Variants in KLHL3 observed in about 807,000 individuals in gnomAD.
KLHL3 encodes the protein kelch-like protein 3.
Under a neutral mutation model 70.5 loss-of-function variants are expected in KLHL3, and 19 were observed. The ratio of observed to expected loss-of-function variants is 0.27; its 90% CI spans 0.19 to 0.40. The LOEUF is 0.40. Ranked by LOEUF, KLHL3 falls within the 10% of genes least tolerant of loss-of-function variation. KLHL3 has a pLI of 1.00. For synonymous variants in KLHL3, 258 were observed against 290.3 expected (o/e 0.89, Z 1.13); for missense variants, 512 against 771.1 (o/e 0.66, Z 3.98).
chr5:137,638,857 G>T, intron 10 of KLHL3, 96 bp downstream of exon 10: 1 of 1,191,040 alleles, frequency 8.4e-7, no homozygotes, highest in Non-Finnish European at 1.2e-6. Context: ...AGCTACAAAT[G>T]GACAGAAAGT....
rs533424692 is a variant in KLHL3 at position 137,618,292 on chromosome 5, T to C, written c.*3806A>G. Reference sequence around the variant, plus strand: ...CCAACTTGATCCAGCTAGGTGCAAATGGGGAGCATGGAGGCAATTTAAATG... The same window carrying C: ...CCAACTTGATCCAGCTAGGTGCAAACGGGGAGCATGGAGGCAATTTAAATG... On this transcript the variant is annotated 3_prime_UTR_variant, in exon 15 of 15. Coordinates refer to ENST00000309755, the MANE Select transcript of KLHL3 (RefSeq NM_017415.3). The C allele has an allele frequency of 2.6e-5, 4 of 152,494 alleles. No individual in the cohort carries two copies. The highest frequency in any genetic ancestry group is 4.8e-5 in the African/African-American group (2 of 41,494). The allele number at this position is 152,494 out of a possible 1,614,324, so 9.4% of individuals were successfully genotyped here.
At chr5:137,715,523 C>A (rs747559066) in intron 2 of KLHL3, among the ~76,000 whole-genome samples, 4 of 152,126 alleles carry the variant, frequency 2.6e-5, no homozygotes, top group Non-Finnish European at 5.9e-5. Flanking sequence ...ATAAGTTAGC[C>A]ATTTAAATAC....
rs946152420 is a variant in KLHL3 at position 137,620,882 on chromosome 5, A to G, written c.*1216T>C. The G allele has an allele frequency of 6.6e-6, 1 of 152,270 alleles. No homozygotes were observed. The highest frequency in any genetic ancestry group is 2.4e-5 in the African/African-American group (1 of 41,460). The allele number at this position is 152,270 out of a possible 1,614,324, so 9.4% of individuals were successfully genotyped here. On this transcript the variant is annotated 3_prime_UTR_variant, in exon 15 of 15. Transcript: ENST00000309755. ...CACCCTGGAATAGGGGGAAAGCACAAGAAAAAGAAGACAAGGACATTAGAC... is the reference window on the plus strand; with the variant it reads ...CACCCTGGAATAGGGGGAAAGCACAGGAAAAAGAAGACAAGGACATTAGAC...
intron 8 of KLHL3, among the ~76,000 whole-genome samples, chr5:137,642,102 G>A (rs545010384): frequency 3.9e-5 from 6 of 152,368 alleles, no homozygotes; most frequent in South Asian, 4.1e-4. Flanking sequence ...AGGGCAGAAT[G>A]ACATGTTCGT....
At chr5:137,730,175 G>A (rs1384415254) in intron 1 of KLHL3, among the ~76,000 whole-genome samples, 1 of 152,272 alleles carries the variant, frequency 6.6e-6, no homozygotes, top group South Asian at 2.1e-4. Flanking sequence ...TAACTAGTAA[G>A]TGCAGAACTG....
Position 137,662,050 on chromosome 5 carries a change from T to C in KLHL3, c.637-19A>G. ...CAAACACCTATAAAGAAAAGCAACA[T>C]GGGCAACTTCAGTAAAGAGACAAAA... is the stretch of plus-strand genomic sequence containing the variant. On this transcript the variant is annotated intron_variant, in intron 6 of 14. Coordinates refer to ENST00000309755, the MANE Select transcript of KLHL3 (RefSeq NM_017415.3). The C allele has an allele frequency of 1.6e-6, 2 of 1,271,718 alleles. No homozygotes were observed. The highest frequency in any genetic ancestry group is 2.3e-6 in the Non-Finnish European group (2 of 885,010). 78.8% of individuals were successfully genotyped at this position (1,271,718 alleles called of 1,614,324 possible).
Position 137,617,830 on chromosome 5 carries a change from T to TA in KLHL3, c.*4267dup, listed in dbSNP as rs1756268809. ...AGCATTTTACACATAATATGCAAAT[T>TA]AAACAAGAAGTACAACAAGGGTCCT... On this transcript the variant is annotated 3_prime_UTR_variant, in exon 15 of 15. Transcript: ENST00000309755. 1.3e-5 allele frequency: 2 copies of TA among 152,014 alleles called. No homozygotes were observed. Among genetic ancestry groups the TA allele is most frequent in the Admixed American group, 1.3e-4 (2 of 15,276 alleles). 9.4% of individuals were successfully genotyped at this position (152,014 alleles called of 1,614,324 possible). A position where few individuals can be genotyped will look rare whatever the true frequency, so the allele number is the denominator to read the frequency against.
At chr5:137,724,874 G>T (rs1753062454) in intron 1 of KLHL3, among the ~76,000 whole-genome samples, 1 of 152,168 alleles carries the variant, frequency 6.6e-6, no homozygotes, top group Admixed American at 6.5e-5. Flanking sequence ...ATAATAAGTG[G>T]TAGAGATGGG....
intron 8 of KLHL3, among the ~76,000 whole-genome samples, chr5:137,648,214 G>C (rs775116410): frequency 5.3e-5 from 8 of 152,192 alleles, no homozygotes; most frequent in Non-Finnish European, 8.8e-5. Flanking sequence ...TCAGGGTGTG[G>C]ACCAAGGTGG....
Position 137,724,999 on chromosome 5 carries a change from T to C in KLHL3, c.15-4415A>G, listed in dbSNP as rs1366188198. The stretch of plus-strand genomic sequence containing the variant: ...ACATATGTCTCAACCTAAGGTCACA[T>C]GCCCAGGCACAGAGTTGCTAGATCT... On this transcript the variant is annotated intron_variant, in intron 1 of 14. Transcript: ENST00000309755. 3.1e-6 allele frequency: 3 copies of C among 976,172 alleles called. No homozygotes were observed. In the African/African-American group the frequency reaches 5.3e-5, roughly 17 times the overall value. 60.5% of individuals were successfully genotyped at this position (976,172 alleles called of 1,614,324 possible). A position where few individuals can be genotyped will look rare whatever the true frequency, so the allele number is the denominator to read the frequency against.
At chr5:137,633,306 T>TAA (rs1316347862) in intron 12 of KLHL3, among the ~76,000 whole-genome samples, 1 of 127,846 alleles carries the variant, frequency 7.8e-6, no homozygotes. Flanking sequence ...AAAAAAAGTT[T>TAA]AAAAAAAAAA....
intron 7 of KLHL3, 81 bp downstream of exon 7, chr5:137,661,834 C>G (rs1751482215): frequency 2.5e-6 from 2 of 790,002 alleles, no homozygotes; most frequent in Non-Finnish European, 4.4e-6. Context: ...CTCAACTACT[C>G]CATCCAACCA....
intron 2 of KLHL3, among the ~76,000 whole-genome samples, chr5:137,719,638 C>T (rs964113624): frequency 3.3e-5 from 5 of 152,228 alleles, no homozygotes; most frequent in African/African-American, 1.2e-4. Context: ...CTGTGTACCC[C>T]TCACTATTAG....
chr5:137,668,566 A>C (rs1751671537), intron 6 of KLHL3, among the ~76,000 whole-genome samples: 1 of 152,088 alleles, frequency 6.6e-6, no homozygotes, highest in Non-Finnish European at 1.5e-5. Flanking sequence ...CCATTTACCA[A>C]ATCTCCTGCC....
chr5:137,657,281 G>A (rs1487307759), intron 8 of KLHL3, among the ~76,000 whole-genome samples: 1 of 152,158 alleles, frequency 6.6e-6, no homozygotes, highest in Non-Finnish European at 1.5e-5. Flanking sequence ...GCTGCCTACT[G>A]TGTCATCAAT....
chr5:137,643,768 G>A (rs1750975708), intron 8 of KLHL3, among the ~76,000 whole-genome samples: 1 of 152,036 alleles, frequency 6.6e-6, no homozygotes, highest in African/African-American at 2.4e-5. Context: ...TAGCTATTTT[G>A]AAATATACAA....
chr5:137,681,643 A>G (rs1041783245), intron 5 of KLHL3, among the ~76,000 whole-genome samples: 1 of 152,082 alleles, frequency 6.6e-6, no homozygotes, highest in Non-Finnish European at 1.5e-5. Context: ...GGGGCATAGT[A>G]CCTTTTAACC....
rs547908354 is a variant in KLHL3 at position 137,691,821 on chromosome 5, T to A, written c.526+464A>T. 5.9e-5 allele frequency among the ~76,000 whole-genome samples: 9 copies of A among 151,576 alleles called. No individual in the cohort carries two copies. The South Asian group carries it at 1.7e-3, about 28-fold the overall frequency. ...TTTAATAGAGACGGGGGTTTCACCGTGTTAGCCAGGATAGTCTCGATCTCC... is the reference window on the plus strand; with the variant it reads ...TTTAATAGAGACGGGGGTTTCACCGAGTTAGCCAGGATAGTCTCGATCTCC... On this transcript the variant is annotated intron_variant, in intron 5 of 14. Coordinates refer to ENST00000309755, the MANE Select transcript of KLHL3 (RefSeq NM_017415.3).
chr5:137,669,895 C>T (rs959272519), intron 6 of KLHL3, among the ~76,000 whole-genome samples: 2 of 152,312 alleles, frequency 1.3e-5, no homozygotes, highest in South Asian at 2.1e-4. Flanking sequence ...AAATGGCTCA[C>T]AGAGACAATT....
Sources: allele counts gnomAD v4.1 joint callset (sites outside exome capture counted in the v4.1 genomes callset), GRCh38; gene constraint gnomAD v4.1.1; transcripts MANE v1.5; gene names NCBI Gene and HGNC (gene_info 2026-07-23, HGNC 2026-07-21).